PER3: variants seen among roughly 807,000 people sequenced by gnomAD.
PER3 encodes period circadian regulator 3.
PER3 carries 107 observed loss-of-function variants against 127.2 expected under a neutral mutation model. The ratio of observed to expected loss-of-function variants is 0.84; its 90% CI spans 0.72 to 0.99. The LOEUF (loss-of-function observed/expected upper bound fraction) is 0.99, where lower values mean the gene tolerates loss of function less well. Among genes scored for constraint, PER3 ranks in the 50% least tolerant of loss-of-function variants. The pLI, the probability that PER3 is intolerant of heterozygous loss-of-function variation, is 0.00. For missense variants in PER3, 1,560 were observed against 1,525.8 expected (o/e 1.02, Z -0.37); for synonymous variants, 618 against 585.8 (o/e 1.05, Z -0.79).
chr1:7,788,434 T>TG, intron 5 of PER3, 188 bp downstream of exon 5: 1 of 581,002 alleles, frequency 1.7e-6, no homozygotes, highest in Non-Finnish European at 3.1e-6. Flanking sequence ...TCAATACGTT[T>TG]GTTTCCATTT....
chr1:7,793,080 T>C (rs1448666649), intron 5 of PER3, among the ~76,000 whole-genome samples: 1 of 152,270 alleles, frequency 6.6e-6, no homozygotes, highest in Admixed American at 6.5e-5. Context: ...GCTTATTCAA[T>C]ATTTTGGTTG....
intron 20 of PER3, 102 bp downstream of exon 20, chr1:7,836,047 G>C: frequency 1.4e-6 from 1 of 728,834 alleles, no homozygotes; most frequent in Middle Eastern, 3.5e-4. Context: ...ACCCAGGCTG[G>C]AGTGCAGTGG....
At chr1:7,816,095 C>T (rs1422679824) in intron 13 of PER3, among the ~76,000 whole-genome samples, 1 of 150,392 alleles carries the variant, frequency 6.6e-6, no homozygotes, top group Non-Finnish European at 1.5e-5. Context: ...AAATTTACAG[C>T]ACTGAGTGTT....
At chr1:7,842,426 G>A (rs2097395219) in intron 21 of PER3, among the ~76,000 whole-genome samples, 1 of 152,008 alleles carries the variant, frequency 6.6e-6, no homozygotes. Flanking sequence ...CTTGAACCTG[G>A]GAGGCGGAGG....
At chr1:7,832,922 T>C (rs531760070) in intron 19 of PER3, among the ~76,000 whole-genome samples, 1 of 150,642 alleles carries the variant, frequency 6.6e-6, no homozygotes, top group South Asian at 2.1e-4. Flanking sequence ...CACTGCACCC[T>C]CAAACTTCTG....
rs2097158791 is a variant in PER3 at position 7,799,143 on chromosome 1, T to C, written c.793+470T>C. Among the ~76,000 whole-genome samples, 3 of 152,308 alleles carry C rather than the reference T, an allele frequency of 2.0e-5. No individual in the cohort carries two copies. In the South Asian group the frequency reaches 6.2e-4, roughly 32 times the overall value. On this transcript the variant is annotated intron_variant, in intron 7 of 21. Coordinates refer to ENST00000377532, the MANE Select transcript of PER3 (RefSeq NM_001377275.1). ...TCAATACATAGGCAGCTTCCATGTA[T>C]TACTGAAAAGTCAGTTCAGATGTAA...
intron 9 of PER3, 151 bp from the exon 10 acceptor site, chr1:7,803,541 T>C: frequency 5.0e-6 from 3 of 594,210 alleles, no homozygotes; most frequent in Non-Finnish European, 8.9e-6. Context: ...TGAGCCAATA[T>C]CATGCCACTG....
chr1:7,787,981 C>T (rs2097100087), intron 4 of PER3, 64 bp from the exon 5 acceptor site: 2 of 1,202,880 alleles, frequency 1.7e-6, no homozygotes, highest in African/African-American at 1.5e-5. Context: ...AAGAAATTTA[C>T]CTTTCAGGGA....
rs2151126608 is a variant in PER3 at position 7,826,465 on chromosome 1, C to T, written c.1958-15C>T. The T allele has an allele frequency of 7.0e-7, 1 of 1,434,592 alleles. No homozygotes were observed. The highest frequency in any genetic ancestry group is 9.8e-7 in the Non-Finnish European group (1 of 1,017,566). 88.9% of individuals were successfully genotyped at this position (1,434,592 alleles called of 1,614,324 possible). A position where few individuals can be genotyped will look rare whatever the true frequency, so the allele number is the denominator to read the frequency against. On this transcript the variant is annotated splice_polypyrimidine_tract_variant and intron_variant, in intron 16 of 21. Transcript: ENST00000377532. This position sits in a 1 kb window ranked among gnomAD's most constrained non-coding sequence, Gnocchi z 4.2. Reference sequence around the variant, plus strand: ...TGATAGGAATTAAAATTAAATATGTCTTCTTCCACCTCAGCCAGGGATGCT... The same window carrying T: ...TGATAGGAATTAAAATTAAATATGTTTTCTTCCACCTCAGCCAGGGATGCT...
Position 7,827,799 on chromosome 1 carries a change from G to A in PER3, c.2870G>A (p.Cys957Tyr), listed in dbSNP as rs779037549. The change falls in exon 18 of 22, where the codon TGC becomes TAC. Residue 957 changes from cysteine to tyrosine, a missense_variant. Coordinates refer to ENST00000377532, the MANE Select transcript of PER3 (RefSeq NM_001377275.1). The stretch of plus-strand genomic sequence containing the variant: ...CCAGATCAGATGAGAAGGAACACGT[G>A]CCCACAAACTGAGTATGTAAGTGAT... ...ESPDQMRRNT[C>Y]PQTEYQCVTG... The A allele has an allele frequency of 6.2e-7, 1 of 1,611,346 alleles. No individual in the cohort carries two copies. Among genetic ancestry groups the A allele is most frequent in the East Asian group, 2.2e-5 (1 of 44,856 alleles).
chr1:7,805,847 G>T (rs1402367303), intron 10 of PER3, among the ~76,000 whole-genome samples: 2 of 151,996 alleles, frequency 1.3e-5, no homozygotes, highest in African/African-American at 4.8e-5. Context: ...AAATATATGT[G>T]AAATTATGCA....
In PER3 at chr1:7,835,945, G is replaced by A. The variant is rs770515556; in HGVS notation, c.3398G>A (p.Arg1133Lys). ...RILMTYQVPE[R>K]VKEVVLKEDL... is the part of the protein sequence containing the mutation. ...CTCATGACATACCAGGTACCTGAGA[G>A]GTAAGAAAGCACTTTAGAAAACCCA... is the stretch of plus-strand genomic sequence containing the variant. The change falls in exon 20 of 22, where the codon AGG becomes AAG. Residue 1133 changes from arginine (R) to lysine (K), a missense_variant and splice_region_variant. Transcript: ENST00000377532. 1.9e-6 allele frequency: 3 copies of A among 1,569,924 alleles called. No individual in the cohort carries two copies. The highest frequency in any genetic ancestry group is 2.3e-5 in the South Asian group (2 of 86,460).
At chr1:7,825,717 C>A (rs2097298355) in intron 16 of PER3, among the ~76,000 whole-genome samples, 2 of 152,120 alleles carry the variant, frequency 1.3e-5, no homozygotes, top group Non-Finnish European at 2.9e-5. Flanking sequence ...CACGGTGAAA[C>A]CCTGTCTCTA....
chr1:7,796,286 T>C (rs228682), intron 6 of PER3, among the ~76,000 whole-genome samples: 52,339 of 149,090 alleles, frequency 0.35, 9,838 homozygotes, highest in Middle Eastern at 0.61. Flanking sequence ...AAATTTTCAG[T>C]GAACAGAGGT....
At chr1:7,807,020 T>G (rs924051257) in intron 10 of PER3, among the ~76,000 whole-genome samples, 1 of 151,976 alleles carries the variant, frequency 6.6e-6, no homozygotes, top group African/African-American at 2.4e-5. Flanking sequence ...GTACTTTTAT[T>G]CCCAGATCAA....
chr1:7,837,832 G>T (rs942302247), intron 21 of PER3, among the ~76,000 whole-genome samples: 2 of 152,202 alleles, frequency 1.3e-5, no homozygotes, highest in Non-Finnish European at 2.9e-5. Flanking sequence ...CCAGCACTTT[G>T]GGAGGCCAAG....
intron 20 of PER3, 178 bp from the exon 21 acceptor site, chr1:7,836,821 G>GA (rs958866062): frequency 2.1e-6 from 1 of 484,292 alleles, no homozygotes; most frequent in Admixed American, 3.7e-5. Context: ...TTTCCACCAA[G>GA]AAAAAAGCCT....
intron 13 of PER3, among the ~76,000 whole-genome samples, chr1:7,818,708 A>T (rs1209215303): frequency 6.6e-6 from 1 of 152,266 alleles, no homozygotes; most frequent in African/African-American, 2.4e-5. Context: ...ATACAATTAA[A>T]TGTAATACAA....
intron 6 of PER3, among the ~76,000 whole-genome samples, chr1:7,798,157 C>G (rs757389178): frequency 6.6e-6 from 1 of 152,190 alleles, no homozygotes; most frequent in Non-Finnish European, 1.5e-5. Flanking sequence ...ACCCTGTTTT[C>G]TCTCTTGTGA....
Sources: allele counts gnomAD v4.1 joint callset (sites outside exome capture counted in the v4.1 genomes callset), GRCh38; gene constraint gnomAD v4.1.1; non-coding constraint Gnocchi (gnomAD v3.1); transcripts MANE v1.5; gene names NCBI Gene and HGNC (gene_info 2026-07-23, HGNC 2026-07-21).